DOCK5: variants seen among roughly 807,000 people sequenced by gnomAD.
DOCK5 encodes the protein dedicator of cytokinesis 5, also known as dedicator of cytokinesis protein 5.
In DOCK5, 142 loss-of-function variants were observed where a neutral mutation model predicts 251.8. The ratio of observed to expected loss-of-function variants is 0.56; its 90% confidence interval spans 0.49 to 0.65. The LOEUF is 0.65. Ranked by LOEUF, DOCK5 falls within the 30% of genes least tolerant of loss-of-function variation. The probability of loss-of-function intolerance (pLI) is 0.00; values close to 1 mark genes in which losing one functional copy is unlikely to be tolerated. For missense variants in DOCK5, 2,111 were observed against 2,312.3 expected (o/e 0.91, Z 1.79); for synonymous variants, 842 against 835.5 (o/e 1.01, Z -0.13).
In DOCK5 at chr8:25,407,999, C is replaced by CT. The variant is rs1801552690; in HGVS notation, c.5114dup (p.Leu1705PhefsTer12). ...GGCCAATAGCTCAATCTTGGAGCCA[C>CT]TTTTGGAGCGCAGGGCCTCGTCAGG... On this transcript the variant is annotated frameshift_variant, in exon 49 of 52. Transcript: ENST00000276440. LOFTEE classifies it high-confidence loss of function. The CT allele has an allele frequency of 6.2e-7, 1 of 1,612,324 alleles. No homozygotes were observed. Among genetic ancestry groups the CT allele is most frequent in the Admixed American group, 1.7e-5 (1 of 59,710 alleles).
Position 25,336,245 on chromosome 8 carries a change from C to T in DOCK5, c.2199C>T (p.Leu733=), listed in dbSNP as rs565630259. ...TCTTTCTCATTCTTCTAAGGAAACT[C>T]TCCAAGGTACTGAACTTCTATGTGG... The part of the protein sequence containing the change: ...HFSATLAYVK[L]SKVLNFYVAN... Residue 733 remains leucine (L), a synonymous_variant, in exon 22 of 52, where the codon CTC becomes CTT. Coordinates refer to ENST00000276440, the MANE Select transcript of DOCK5 (RefSeq NM_024940.8). 16 of 1,612,518 alleles carry T rather than the reference C, an allele frequency of 9.9e-6. No homozygotes were observed. The African/African-American group carries it at 2.0e-4, about 20-fold the overall frequency.
rs118140559 is a variant in DOCK5, at chr8:25,406,784, C to T, written c.5094-1199C>T. Reference sequence around the variant, plus strand: ...CTGGGACTACAGGCGCCCACCACCACGCCTGGTGAAGTTTTATATTCTTAG... The same window carrying T: ...CTGGGACTACAGGCGCCCACCACCATGCCTGGTGAAGTTTTATATTCTTAG... On this transcript the variant is annotated intron_variant, in intron 48 of 51. Transcript: ENST00000276440. Among the ~76,000 whole-genome samples the T allele has an allele frequency of 8.5e-3, 1,297 of 152,052 alleles. 6 individuals are homozygous for T. The highest frequency in any genetic ancestry group is 0.037 in the Middle Eastern group (11 of 294).
At chr8:25,198,354 C>T (rs62503187) in intron 1 of DOCK5, among the ~76,000 whole-genome samples, 95,334 of 151,892 alleles carry the variant, frequency 0.63, 32,366 homozygotes, top group Non-Finnish European at 0.76. Flanking sequence ...GTAGATCACC[C>T]GAGATCAGGA....
At chr8:25,288,500 A>G (rs1161656272) in intron 5 of DOCK5, among the ~76,000 whole-genome samples, 1 of 152,240 alleles carries the variant, frequency 6.6e-6, no homozygotes. Context: ...TGCCACGGAT[A>G]GTGTCTAATG....
intron 1 of DOCK5, among the ~76,000 whole-genome samples, chr8:25,233,843 A>G (rs1055187907): frequency 2.0e-5 from 3 of 152,238 alleles, no homozygotes; most frequent in African/African-American, 4.8e-5. Flanking sequence ...TGATGCAGAC[A>G]TGCAATGTGA....
rs1444830275 is a variant in DOCK5 at position 25,413,500 on chromosome 8, C to T, written c.*2202C>T. The T allele has an allele frequency of 2.0e-5, 3 of 152,194 alleles. No individual in the cohort carries two copies. Among genetic ancestry groups the T allele is most frequent in the Non-Finnish European group, 4.4e-5 (3 of 68,042 alleles). 9.4% of individuals were successfully genotyped at this position (152,194 alleles called of 1,614,324 possible). A position where few individuals can be genotyped will look rare whatever the true frequency, so the allele number is the denominator to read the frequency against. On this transcript the variant is annotated 3_prime_UTR_variant, in exon 52 of 52. Transcript: ENST00000276440. ...GTAGGGGCTTACCTAGAGCCTGGCA[C>T]GACTTCTGAGAAGTCACCCAGCAGA... is the stretch of plus-strand genomic sequence containing the variant.
intron 1 of DOCK5, among the ~76,000 whole-genome samples, chr8:25,188,401 G>T (rs1801485224): frequency 6.6e-6 from 1 of 152,332 alleles, no homozygotes; most frequent in Non-Finnish European, 1.5e-5. Flanking sequence ...TGAAGCATTT[G>T]GATGACTCAG....
chr8:25,207,757 A>T (rs1286471738), intron 1 of DOCK5, among the ~76,000 whole-genome samples: 27 of 152,228 alleles, frequency 1.8e-4, no homozygotes, highest in Admixed American at 1.8e-3. Flanking sequence ...AAGGAGATTA[A>T]TGTTTTCATG....
At chr8:25,188,397 A>T (rs6997760) in intron 1 of DOCK5, among the ~76,000 whole-genome samples, 1 of 152,082 alleles carries the variant, frequency 6.6e-6, no homozygotes, top group Non-Finnish European at 1.5e-5. Context: ...ATGTTGAAGC[A>T]TTTGGATGAC....
chr8:25,393,131 T>C (rs769359513), intron 44 of DOCK5, among the ~76,000 whole-genome samples: 1 of 152,226 alleles, frequency 6.6e-6, no homozygotes, highest in Non-Finnish European at 1.5e-5. Context: ...TGGTGTCTGC[T>C]CAGCGATCCT....
chr8:25,380,501 A>G, intron 39 of DOCK5, 107 bp downstream of exon 39: 4 of 940,888 alleles, frequency 4.3e-6, no homozygotes, highest in Non-Finnish European at 6.5e-6. Flanking sequence ...GTTTTTTTAC[A>G]ATGGAAAAGT....
At chr8:25,374,939 A>T in intron 37 of DOCK5, 1 of 1,242,238 alleles carries the variant, frequency 8.0e-7, no homozygotes, top group Non-Finnish European at 1.0e-6. Context: ...TGATGAATAC[A>T]TAAAAAAATT....
chr8:25,270,873 A>G, intron 3 of DOCK5: 1 of 694,418 alleles, frequency 1.4e-6, no homozygotes, highest in Non-Finnish European at 2.6e-6. Context: ...TTTGCATATA[A>G]CCTCTGCATT....
At chr8:25,190,728 ATATAAT>A (rs1801558762) in intron 1 of DOCK5, among the ~76,000 whole-genome samples, 1 of 144,588 alleles carries the variant, frequency 6.9e-6, no homozygotes, top group Admixed American at 7.2e-5. Flanking sequence ...ACCGGATATT[ATATAAT>A]TATAATGACC....
At chr8:25,194,200 A>G (rs1461892114) in intron 1 of DOCK5, among the ~76,000 whole-genome samples, 1 of 151,734 alleles carries the variant, frequency 6.6e-6, no homozygotes, top group East Asian at 1.9e-4. Flanking sequence ...AGGCTGAGGT[A>G]GGAGAATTGC....
chr8:25,382,983 G>A (rs7008785), intron 40 of DOCK5, among the ~76,000 whole-genome samples: 30,298 of 152,000 alleles, frequency 0.2, 3,065 homozygotes, highest in South Asian at 0.26. Flanking sequence ...TTTGTGAAAT[G>A]ACTTTTCCCA....
Position 25,359,024 on chromosome 8 carries a change from A to C in DOCK5, c.2912A>C (p.His971Pro). 1 of 1,614,034 alleles carries C rather than the reference A, an allele frequency of 6.2e-7. No homozygotes were observed. Among genetic ancestry groups the C allele is most frequent in the Non-Finnish European group, 8.5e-7 (1 of 1,179,878 alleles). The part of the protein sequence containing the change: ...LQQMDDSHYS[H>P]YISTFKTRQD... ...CAAATGGACGACAGCCACTATAGCC[A>C]CTACATCAGCACTTTCAAAACCAGA... The change falls in exon 28 of 52, where the codon CAC becomes CCC. Residue 971 changes from histidine (H) to proline (P), a missense_variant. His to Pro is a moderately conservative substitution (Grantham distance 77, BLOSUM62 -2). Around this residue, in one of 3 missense-constraint regions of DOCK5, gnomAD observed 1,717 missense variants for 1,892.4 expected, o/e 0.91. Coordinates refer to ENST00000276440, the MANE Select transcript of DOCK5 (RefSeq NM_024940.8).
In DOCK5 at chr8:25,336,323, CT is replaced by C; in HGVS notation, c.2279del (p.Leu760Ter). On this transcript the variant is annotated frameshift_variant, in exon 22 of 52. Transcript: ENST00000276440. LOFTEE classifies it high-confidence loss of function. ...AACTGCTTTTTGCTGCGTTGAAAGCCTTGAAGTACTTGTTTAGATTCATCAT... is the reference window on the plus strand; with the variant it reads ...AACTGCTTTTTGCTGCGTTGAAAGCCTGAAGTACTTGTTTAGATTCATCAT... ...TELLFAALKALKYLFRFIIQS... is the reference protein window; with the variant it reads ...TELLFAALKAXKYLFRFIIQS... The C allele has an allele frequency of 6.2e-7, 1 of 1,613,920 alleles. No individual in the cohort carries two copies. The highest frequency in any genetic ancestry group is 8.5e-7 in the Non-Finnish European group (1 of 1,179,866).
chr8:25,239,203 C>T (rs1018736659), intron 1 of DOCK5, among the ~76,000 whole-genome samples: 3 of 151,994 alleles, frequency 2.0e-5, no homozygotes, highest in Non-Finnish European at 2.9e-5. Context: ...GCTGGAATTT[C>T]GCAGATAGTG....
Sources: gnomAD v4.1 joint callset for allele counts (sites outside exome capture counted in the v4.1 genomes callset) on GRCh38, gnomAD v4.1.1 for gene constraint, gnomAD v4.1.1 regional missense constraint, MANE v1.5 for transcripts, NCBI Gene and HGNC (gene_info 2026-07-23, HGNC 2026-07-21) for gene names.